NR3C2: variants seen among roughly 807,000 people sequenced by gnomAD.
NR3C2 encodes the protein nuclear receptor subfamily 3 group C member 2, also known as mineralocorticoid receptor.
In NR3C2, 15 loss-of-function variants were observed where a neutral mutation model predicts 86.4. The ratio of observed to expected loss-of-function variants is 0.17; its 90% confidence interval spans 0.12 to 0.27. NR3C2 has a LOEUF of 0.27. NR3C2 is among the 10% of genes least tolerant of loss of function. NR3C2 has a pLI of 1.00. For missense variants in NR3C2, 960 were observed against 1,195.6 expected (o/e 0.80, Z 2.91); for synonymous variants, 458 against 450.5 (o/e 1.02, Z -0.21).
At chr4:148,331,540 T>A (rs1579169122) in intron 2 of NR3C2, among the ~76,000 whole-genome samples, 2 of 152,348 alleles carry the variant, frequency 1.3e-5, no homozygotes, top group East Asian at 3.9e-4. Context: ...ACATAAAGTA[T>A]ATATCCACAA....
intron 6 of NR3C2, among the ~76,000 whole-genome samples, chr4:148,149,306 A>G (rs139581169): frequency 7.3e-4 from 111 of 152,186 alleles, no homozygotes; most frequent in African/African-American, 2.5e-3. Flanking sequence ...CTGTATCAAT[A>G]TTTTCTAGAA....
chr4:148,356,845 C>G (rs945493031), intron 2 of NR3C2, among the ~76,000 whole-genome samples: 2 of 146,464 alleles, frequency 1.4e-5, no homozygotes, highest in South Asian at 2.3e-4. Flanking sequence ...GGTAAAGGAG[C>G]CTTTCTCACA....
chr4:148,212,382 C>T (rs770155361), intron 3 of NR3C2, among the ~76,000 whole-genome samples: 11 of 152,160 alleles, frequency 7.2e-5, no homozygotes, highest in Non-Finnish European at 1.6e-4. Context: ...GTAGTTACAC[C>T]CTTAGTGTCT....
intron 3 of NR3C2, among the ~76,000 whole-genome samples, chr4:148,233,922 C>T (rs1273079522): frequency 2.0e-5 from 3 of 152,150 alleles, no homozygotes; most frequent in African/African-American, 4.8e-5. Context: ...TGAGCACATG[C>T]TGTTGGGAAA....
intron 3 of NR3C2, among the ~76,000 whole-genome samples, chr4:148,199,020 A>T: frequency 6.9e-6 from 1 of 144,156 alleles, no homozygotes. Context: ...CGGGAGGCGG[A>T]GCTTGCAGTG....
intron 2 of NR3C2, among the ~76,000 whole-genome samples, chr4:148,277,479 G>A (rs1741016313): frequency 6.6e-6 from 1 of 152,132 alleles, no homozygotes; most frequent in Non-Finnish European, 1.5e-5. Flanking sequence ...TACTGGGGAG[G>A]CTGAGGCATG....
intron 3 of NR3C2, among the ~76,000 whole-genome samples, chr4:148,250,176 T>G (rs1487621457): frequency 6.6e-6 from 1 of 151,944 alleles, no homozygotes; most frequent in Non-Finnish European, 1.5e-5. Flanking sequence ...ATCTAACAAG[T>G]CAAGAAGGGC....
intron 8 of NR3C2, among the ~76,000 whole-genome samples, chr4:148,085,883 G>A (rs1463247236): frequency 2.0e-5 from 3 of 152,206 alleles, no homozygotes; most frequent in African/African-American, 7.2e-5. Context: ...AAATCTAGAA[G>A]AAATGGATAA....
intron 3 of NR3C2, among the ~76,000 whole-genome samples, chr4:148,228,875 G>A (rs556125054): frequency 2.6e-5 from 4 of 152,210 alleles, no homozygotes; most frequent in East Asian, 1.9e-4. Context: ...TTCCACCACA[G>A]CCAGACTGCC....
intron 3 of NR3C2, among the ~76,000 whole-genome samples, chr4:148,202,089 G>A (rs1233171705): frequency 2.0e-5 from 3 of 152,198 alleles, no homozygotes; most frequent in Non-Finnish European, 2.9e-5. Flanking sequence ...TTAAAAAACT[G>A]ACTTATCACA....
intron 2 of NR3C2, among the ~76,000 whole-genome samples, chr4:148,274,431 AC>A (rs1740856705): frequency 6.6e-6 from 1 of 152,100 alleles, no homozygotes; most frequent in African/African-American, 2.4e-5. Context: ...TGAGGGTGGG[AC>A]CCGGTGGGAG....
chr4:148,325,204 A>C (rs1425169215), intron 2 of NR3C2, among the ~76,000 whole-genome samples: 2 of 152,092 alleles, frequency 1.3e-5, no homozygotes, highest in Non-Finnish European at 2.9e-5. Context: ...ACACATTTTC[A>C]TCACTCAAAG....
At chr4:148,144,716 T>C (rs1479630954) in intron 6 of NR3C2, among the ~76,000 whole-genome samples, 2 of 152,188 alleles carry the variant, frequency 1.3e-5, no homozygotes, top group East Asian at 3.8e-4. Flanking sequence ...CCCCTAGAGT[T>C]CACTCTGTCT....
intron 6 of NR3C2, among the ~76,000 whole-genome samples, chr4:148,129,639 A>T (rs765915822): frequency 2.6e-5 from 4 of 152,202 alleles, no homozygotes; most frequent in Non-Finnish European, 5.9e-5. Context: ...TCTGTCACCC[A>T]GGCTAGAGTG....
At chr4:148,399,526 T>A (rs939992029) in intron 2 of NR3C2, among the ~76,000 whole-genome samples, 7 of 152,058 alleles carry the variant, frequency 4.6e-5, no homozygotes, top group African/African-American at 1.4e-4. Context: ...GTTATCCATA[T>A]CGAATTTTCA....
chr4:148,216,057 GAC>G (rs760889637), intron 3 of NR3C2, among the ~76,000 whole-genome samples: 2 of 152,100 alleles, frequency 1.3e-5, no homozygotes, highest in Non-Finnish European at 2.9e-5. Flanking sequence ...CAAAGTGTGA[GAC>G]ATAGTTTCTG....
intron 2 of NR3C2, among the ~76,000 whole-genome samples, chr4:148,332,736 A>G (rs1262760957): frequency 1.3e-5 from 2 of 152,204 alleles, no homozygotes; most frequent in Non-Finnish European, 1.5e-5. Context: ...ACATGGTGCA[A>G]TGGAGTGTTA....
chr4:148,328,295 A>G (rs2149964682), intron 2 of NR3C2, among the ~76,000 whole-genome samples: 1 of 152,336 alleles, frequency 6.6e-6, no homozygotes, highest in South Asian at 2.1e-4. Flanking sequence ...AGGAGGAGGA[A>G]TCAGCATGGG....
intron 4 of NR3C2, among the ~76,000 whole-genome samples, chr4:148,188,236 T>C (rs1736029808): frequency 6.6e-6 from 1 of 152,228 alleles, no homozygotes; most frequent in Non-Finnish European, 1.5e-5. Flanking sequence ...GAATTATTTT[T>C]TTCTAATTCT....
Sources: gnomAD v4.1 joint callset for allele counts (sites outside exome capture counted in the v4.1 genomes callset) on GRCh38, gnomAD v4.1.1 for gene constraint, MANE v1.5 for transcripts, NCBI Gene and HGNC (gene_info 2026-07-23, HGNC 2026-07-21) for gene names.